Variants in TTLL8 observed in about 807,000 individuals in gnomAD.
TTLL8 encodes the protein protein monoglycylase TTLL8.
Under a neutral mutation model 77.8 loss-of-function variants are expected in TTLL8, and 65 were observed. The ratio of observed to expected loss-of-function variants is 0.84; its 90% CI spans 0.68 to 1.03. The LOEUF (loss-of-function observed/expected upper bound fraction) is 1.03. Ranked by LOEUF, TTLL8 falls within the 50% of genes least tolerant of loss-of-function variation. The probability of loss-of-function intolerance (pLI) is 0.00; values close to 1 mark genes in which losing one functional copy is unlikely to be tolerated. For synonymous variants in TTLL8, 402 were observed against 422.8 expected, an observed-to-expected ratio of 0.95 and a Z score of 0.60; for missense variants, 910 against 1,004.5, an observed-to-expected ratio of 0.91 and a Z score of 1.27.
At chr22:50,057,181 TG>T (rs1248638880), upstream of TTLL8, among the ~76,000 whole-genome samples, 27 of 89,220 alleles carry the variant, frequency 3.0e-4, no homozygotes, top group Middle Eastern at 7.5e-3. Context: ...GAGTCAGGTC[TG>T]GGGTTGGGGG....
intron 12 of TTLL8, among the ~76,000 whole-genome samples, chr22:50,021,910 ATGATGTGTACTCCTC>A (rs2061203838): frequency 2.9e-5 from 3 of 101,924 alleles, no homozygotes; most frequent in Admixed American, 9.3e-5. Context: ...CCTCCATCTG[ATGATGTGTACTCCTC>A]CACCTGACAT....
At chr22:50,039,484 A>T (rs1236405629) in intron 8 of TTLL8, among the ~76,000 whole-genome samples, 1 of 152,236 alleles carries the variant, frequency 6.6e-6, no homozygotes, top group East Asian at 1.9e-4. Context: ...CCACAGATCA[A>T]AATGCCCCAC....
chr22:50,022,157 TGACG>T (rs2061206765), intron 12 of TTLL8, among the ~76,000 whole-genome samples: 1 of 130,712 alleles, frequency 7.7e-6, no homozygotes, highest in Non-Finnish European at 1.6e-5. Context: ...CTCCATCTGA[TGACG>T]TGCACTCCTC....
chr22:50,029,310 A>G (rs7410398), intron 12 of TTLL8, among the ~76,000 whole-genome samples: 386 of 28,258 alleles, frequency 0.014, 9 homozygotes, highest in Admixed American at 0.031. Flanking sequence ...CCATCACACC[A>G]TCCTGAAGAC....
At chr22:50,045,764 C>T in intron 5 of TTLL8, 92 bp downstream of exon 7, 1 of 1,253,176 alleles carries the variant, frequency 8.0e-7, no homozygotes, top group Non-Finnish European at 1.0e-6. Flanking sequence ...ATCCTCAGAC[C>T]CTGCCCCATC....
Position 50,044,360 on chromosome 22 carries a change from G to A in TTLL8, c.643+895C>T, listed in dbSNP as rs902197668. Among the ~76,000 whole-genome samples, 3 of 152,046 alleles carry A rather than the reference G, an allele frequency of 2.0e-5. No homozygotes were observed. Among genetic ancestry groups the A allele is most frequent in the African/African-American group, 7.2e-5 (3 of 41,408 alleles). On this transcript the variant is annotated intron_variant, in intron 6 of 13. Transcript: ENST00000266182. This position sits in a 1 kb window ranked among gnomAD's most constrained non-coding sequence, Gnocchi z 4.2. ...AATTAGGAGGCCATCAGATGAGGTG[G>A]CCCAAGTGACCTGGTCTCCGACCAA...
At chr22:50,047,372 C>A in intron 3 of TTLL8, 76 bp from the exon 6 acceptor site, 8 of 1,238,868 alleles carry the variant, frequency 6.5e-6, no homozygotes, top group Non-Finnish European at 8.8e-6. Flanking sequence ...AGTGAGGCAA[C>A]CATCAGAGGA....
chr22:50,050,381 T>A (rs952872021), intron 1 of TTLL8, 134 bp from the exon 4 acceptor site: 70 of 527,170 alleles, frequency 1.3e-4, no homozygotes, highest in Non-Finnish European at 1.9e-4. Context: ...TGTCCTTTTT[T>A]TTTTTTTTTG....
rs979037016 is a variant in TTLL8, at chr22:50,031,083, G to T, written c.1708-158C>A. On this transcript the variant is annotated intron_variant, in intron 11 of 13. Coordinates refer to ENST00000266182, the Ensembl canonical transcript of TTLL8. The stretch of plus-strand genomic sequence containing the variant: ...TGGGGTCCCACGCAGACCCCCAGGA[G>T]GCCCCCAGGCTCTGGAGAACCTGCG... Among the ~76,000 whole-genome samples the T allele has an allele frequency of 9.2e-5, 14 of 152,256 alleles. No homozygotes were observed. The East Asian group carries it at 1.4e-3, about 15-fold the overall frequency.
At chr22:50,052,904 C>G (rs966964610) in intron 1 of TTLL8, among the ~76,000 whole-genome samples, 3 of 152,120 alleles carry the variant, frequency 2.0e-5, no homozygotes, top group Admixed American at 6.5e-5. Context: ...ACTCAAATAA[C>G]AAACTCTACT....
chr22:50,053,084 T>C lies in TTLL8; in HGVS notation c.51+1492A>G, dbSNP rs147735094. On this transcript the variant is annotated intron_variant, in intron 1 of 13. Transcript: ENST00000266182. ...TAAAAATACAAAAATTAGCCGAGCA[T>C]GGTGGTGCACACCTGTAGTCCCAGC... Among the ~76,000 whole-genome samples the C allele has an allele frequency of 4.6e-3, 706 of 152,256 alleles. 6 individuals carry two copies. The highest frequency in any genetic ancestry group is 0.016 in the African/African-American group (664 of 41,532).
At chr22:50,045,808 A>T (rs1412556166) in intron 5 of TTLL8, 48 bp downstream of exon 7, 2 of 1,294,226 alleles carry the variant, frequency 1.5e-6, no homozygotes, top group Admixed American at 4.7e-5. Context: ...TCTTTCTAGA[A>T]GCCTCTCTGC....
chr22:50,041,223 C>A lies in TTLL8; in HGVS notation c.885G>T (p.Met295Ile). ...GGGCTGTGGGGGGCTCAAATGACAT[C>A]ATAACCTTCTGGATTTTGAAGATGC... The change falls in exon 8 of 14, where the codon ATG becomes ATT. Residue 295 changes from methionine (M) to isoleucine (I), a missense_variant. Physicochemically the swap from Met to Ile is conservative, Grantham distance 10. Around this residue, in one of 2 missense-constraint regions of TTLL8, gnomAD observed 776 missense variants for 926.1 expected, o/e 0.84. Transcript: ENST00000266182. The surrounding 1 kb of genome is among the most constrained non-coding windows in gnomAD (Gnocchi z 4.3). 1 of 480,266 alleles carries A rather than the reference C, an allele frequency of 2.1e-6. No homozygotes were observed. The highest frequency in any genetic ancestry group is 1.6e-5 in the South Asian group (1 of 61,522). The allele number at this position is 480,266 out of a possible 1,614,324, so 29.8% of individuals were successfully genotyped here.
At chr22:50,049,105 T>C in intron 3 of TTLL8, 144 bp downstream of exon 5, 3 of 1,267,110 alleles carry the variant, frequency 2.4e-6, no homozygotes, top group Non-Finnish European at 3.1e-6. Context: ...TGCTGCCCGG[T>C]CAAGGGGCCC....
chr22:50,042,803 C>G (rs930214405), intron 6 of TTLL8, among the ~76,000 whole-genome samples: 1 of 152,106 alleles, frequency 6.6e-6, no homozygotes, highest in Non-Finnish European at 1.5e-5. Context: ...TAATAAAGAC[C>G]CAGGAGAATG....
upstream of TTLL8, among the ~76,000 whole-genome samples, chr22:50,057,588 A>T (rs35276671): frequency 2.9e-4 from 2 of 6,890 alleles, no homozygotes; most frequent in South Asian, 5.5e-3. Flanking sequence ...GTCTGGGTTG[A>T]GGGTCAGGTT....
At chr22:50,031,262 G>C (rs1187916348) in intron 11 of TTLL8, among the ~76,000 whole-genome samples, 2 of 152,232 alleles carry the variant, frequency 1.3e-5, no homozygotes, top group Admixed American at 6.5e-5. Flanking sequence ...GCAGGCACAG[G>C]GAGGCCCGCG....
chr22:50,057,484 GTC>G (rs2061484192), upstream of TTLL8, among the ~76,000 whole-genome samples: 2 of 120,740 alleles, frequency 1.7e-5, no homozygotes, highest in Admixed American at 8.4e-5. Flanking sequence ...TGGATTGTGG[GTC>G]AGGTCTGGGT....
exon 4 of TTLL8, chr22:50,047,171 G>A (rs1318378339): frequency 7.3e-7 from 1 of 1,367,450 alleles, no homozygotes; most frequent in Non-Finnish European, 9.8e-7. Context: ...GGCTCACCTT[G>A]GTGGTGAAGG....
Sources: gnomAD v4.1 joint callset for allele counts (sites outside exome capture counted in the v4.1 genomes callset) on GRCh38, gnomAD v4.1.1 for gene constraint, gnomAD v4.1.1 regional missense constraint, Gnocchi (gnomAD v3.1) non-coding constraint, MANE v1.5 for transcripts, NCBI Gene and HGNC (gene_info 2026-07-23, HGNC 2026-07-21) for gene names.